Variants in IGFL2 observed in about 807,000 individuals in gnomAD.
IGFL2 encodes the protein insulin growth factor-like family member 2.
In IGFL2, 7 loss-of-function variants were observed where a neutral mutation model predicts 13.9. That is an observed-to-expected ratio of 0.51 (90% confidence interval 0.29 to 0.95). The LOEUF (loss-of-function observed/expected upper bound fraction) is 0.95, where lower values mean the gene tolerates loss of function less well. Among genes scored for constraint, IGFL2 ranks in the 40% least tolerant of loss-of-function variants. IGFL2 has a pLI of 0.08. For synonymous variants in IGFL2, 55 were observed against 55.8 expected (o/e 0.99, Z 0.07); for missense variants, 138 against 147.8 (o/e 0.93, Z 0.34).
At chr19:46,079,084 A>T in the IGFL2 span, among the ~76,000 whole-genome samples, 1 of 141,292 alleles carries the variant, frequency 7.1e-6, no homozygotes. Context: ...AGGCGTCGTC[A>T]GTAGACATCG....
At chr19:46,137,339 C>T in the IGFL2 span, 19 of 1,112,748 alleles carry the variant, frequency 1.7e-5, no homozygotes, top group Non-Finnish European at 2.2e-5. Flanking sequence ...AAGCTTGTGG[C>T]GGGCGTTGAT....
At chr19:46,209,554 A>T in the IGFL2 span, 2 of 122,572 alleles carry the variant, frequency 1.6e-5, no homozygotes, top group Non-Finnish European at 4.0e-5. Flanking sequence ...AAGTTTATTA[A>T]TCCTTTCACT....
the IGFL2 span, chr19:46,204,234 G>T: frequency 6.6e-6 from 1 of 152,208 alleles, no homozygotes; most frequent in South Asian, 2.1e-4. Context: ...CAGCAGCTGG[G>T]GTTGTGGGAA....
the IGFL2 span, among the ~76,000 whole-genome samples, chr19:46,168,936 G>GTGTA: frequency 1.3e-5 from 2 of 151,600 alleles, no homozygotes; most frequent in African/African-American, 4.9e-5. Context: ...GTGTGTGTGT[G>GTGTA]TGTATGTGTA....
At chr19:46,197,209 C>A in the IGFL2 span, 3 of 212,380 alleles carry the variant, frequency 1.4e-5, no homozygotes, top group African/African-American at 7.0e-5. Context: ...CCTCAGTCCC[C>A]CAGCGTCCCT....
At chr19:46,091,466 T>C in the IGFL2 span, among the ~76,000 whole-genome samples, 1,055 of 152,340 alleles carry the variant, frequency 6.9e-3, 11 homozygotes, top group Non-Finnish European at 0.012. Context: ...CTTTAATCAG[T>C]ATACAAATTA....
chr19:46,097,744 C>A, the IGFL2 span, among the ~76,000 whole-genome samples: 1 of 152,152 alleles, frequency 6.6e-6, no homozygotes, highest in Non-Finnish European at 1.5e-5. Flanking sequence ...TTCTTTACTT[C>A]TGTCTTAATT....
chr19:46,193,634 G>A, the IGFL2 span, among the ~76,000 whole-genome samples: 1 of 152,288 alleles, frequency 6.6e-6, no homozygotes, highest in South Asian at 2.1e-4. Context: ...TGAATCTGCT[G>A]TACCTGAAAT....
upstream of IGFL2, among the ~76,000 whole-genome samples, chr19:46,140,282 A>G (rs1043406152): frequency 8.6e-5 from 13 of 151,844 alleles, no homozygotes; most frequent in Admixed American, 7.9e-4. Flanking sequence ...AAAATGGTAG[A>G]ACTTACATGT....
the IGFL2 span, among the ~76,000 whole-genome samples, chr19:46,194,447 A>G: frequency 2.0e-5 from 3 of 152,070 alleles, no homozygotes; most frequent in African/African-American, 7.2e-5. Flanking sequence ...TTTAACTTTC[A>G]TCACTCATTG....
chr19:46,167,040 G>A, the IGFL2 span, among the ~76,000 whole-genome samples: 7 of 152,162 alleles, frequency 4.6e-5, no homozygotes, highest in East Asian at 1.3e-3. Flanking sequence ...AATCACAAGG[G>A]TATTGATTGG....
At chr19:46,135,887 T>G in the IGFL2 span, among the ~76,000 whole-genome samples, 14 of 152,238 alleles carry the variant, frequency 9.2e-5, no homozygotes, top group African/African-American at 3.1e-4. Flanking sequence ...GCAAACACTT[T>G]CTTTTCTTTA....
chr19:46,209,339 C>T, the IGFL2 span: 1 of 152,224 alleles, frequency 6.6e-6, no homozygotes, highest in African/African-American at 2.4e-5. Context: ...CCGCATGGAG[C>T]TGCTTCTCAG....
chr19:46,107,461 A>T, the IGFL2 span, among the ~76,000 whole-genome samples: 5 of 152,216 alleles, frequency 3.3e-5, no homozygotes, highest in Admixed American at 3.3e-4. Context: ...GAGGAATCCC[A>T]GGCTGTGGGC....
chr19:46,196,701 C>T, the IGFL2 span, among the ~76,000 whole-genome samples: 2 of 152,322 alleles, frequency 1.3e-5, no homozygotes, highest in East Asian at 3.9e-4. Context: ...GACCCTTGAG[C>T]ACAGGGAGAC....
At chr19:46,098,184 C>A in the IGFL2 span, among the ~76,000 whole-genome samples, 3 of 152,140 alleles carry the variant, frequency 2.0e-5, no homozygotes, top group Admixed American at 2.0e-4. Context: ...TTTGGGTGCT[C>A]TTGTATTGGG....
At chr19:46,131,371 A>G in the IGFL2 span, among the ~76,000 whole-genome samples, 3 of 152,342 alleles carry the variant, frequency 2.0e-5, no homozygotes, top group African/African-American at 4.8e-5. Context: ...TTACTCGACA[A>G]TATTTGTGCA....
upstream of IGFL2, among the ~76,000 whole-genome samples, chr19:46,145,363 G>A (rs543753938): frequency 1.7e-4 from 25 of 151,484 alleles, no homozygotes; most frequent in African/African-American, 5.3e-4. Flanking sequence ...CACATACTCC[G>A]GCACTTTTTC....
intron 1 of IGFL2, among the ~76,000 whole-genome samples, chr19:46,156,730 G>GTTTC (rs1222399545): frequency 1.3e-5 from 2 of 151,472 alleles, no homozygotes; most frequent in African/African-American, 4.9e-5. Context: ...CAAGAAGCTA[G>GTTTC]GAAAAAATAA....
Sources: allele counts gnomAD v4.1 joint callset (sites outside exome capture counted in the v4.1 genomes callset), GRCh38; gene constraint gnomAD v4.1.1; transcripts MANE v1.5; gene names NCBI Gene and HGNC (gene_info 2026-07-23, HGNC 2026-07-21).